Variants in INTS14 observed in about 807,000 individuals in gnomAD.
INTS14 encodes integrator complex subunit 14.
Under a neutral mutation model 56.9 loss-of-function variants are expected in INTS14, and 27 were observed. The ratio of observed to expected loss-of-function variants is 0.47; its 90% CI spans 0.35 to 0.65. INTS14 has a LOEUF of 0.65. Among genes scored for constraint, INTS14 ranks in the 30% least tolerant of loss-of-function variants. The probability of loss-of-function intolerance (pLI) is 0.00; values close to 1 mark genes in which losing one functional copy is unlikely to be tolerated. For synonymous variants in INTS14, 207 were observed against 236.2 expected, an observed-to-expected ratio of 0.88 and a Z score of 1.13; for missense variants, 517 against 632.2, an observed-to-expected ratio of 0.82 and a Z score of 1.95.
intron 3 of INTS14, among the ~76,000 whole-genome samples, chr15:65,600,444 C>T (rs934266016): frequency 6.6e-6 from 1 of 151,950 alleles, no homozygotes; most frequent in African/African-American, 2.4e-5. Flanking sequence ...GCCTAGGCAA[C>T]ATGGTGAAAC....
intron 5 of INTS14, 150 bp downstream of exon 5, chr15:65,598,722 C>A (rs2073310210): frequency 1.4e-6 from 1 of 740,500 alleles, no homozygotes; most frequent in African/African-American, 1.8e-5. Context: ...TTTAAAAAAC[C>A]ATTACTACCC....
intron 8 of INTS14, among the ~76,000 whole-genome samples, chr15:65,592,901 C>A (rs2073078771): frequency 6.6e-6 from 1 of 151,868 alleles, no homozygotes. Context: ...AAAATAAAGG[C>A]AACGTAATTA....
intron 9 of INTS14, 116 bp from the exon 10 acceptor site, chr15:65,585,004 A>G: frequency 1.2e-6 from 1 of 859,558 alleles, no homozygotes; most frequent in Non-Finnish European, 1.7e-6. Flanking sequence ...CACTTTGTTA[A>G]TTAAGAAAAT....
chr15:65,610,040 T>A (rs2073828389), intron 1 of INTS14, among the ~76,000 whole-genome samples: 1 of 150,906 alleles, frequency 6.6e-6, no homozygotes, highest in East Asian at 2.0e-4. Flanking sequence ...TGAAAGTTCC[T>A]GAAGGATAGT....
intron 1 of INTS14, chr15:65,610,856 G>T (rs976212804): frequency 2.6e-6 from 4 of 1,527,774 alleles, no homozygotes; most frequent in Non-Finnish European, 3.5e-6. Flanking sequence ...AGGGGGCAGA[G>T]GGGAGCTGAG....
chr15:65,610,975 C>T (rs747096163), intron 1 of INTS14, 123 bp downstream of exon 1: 1 of 1,488,066 alleles, frequency 6.7e-7, no homozygotes. Flanking sequence ...CAGCGCGGGG[C>T]GGCCGCCACG....
chr15:65,602,303 T>A (rs1330443381), intron 3 of INTS14, among the ~76,000 whole-genome samples: 5 of 136,326 alleles, frequency 3.7e-5, no homozygotes, highest in South Asian at 2.4e-4. Context: ...TTTTTTTTTT[T>A]AAGACAGAGT....
chr15:65,579,891 G>A (rs1048766711), intron 11 of INTS14, among the ~76,000 whole-genome samples: 3 of 152,258 alleles, frequency 2.0e-5, no homozygotes, highest in East Asian at 1.9e-4. Flanking sequence ...ATGAAACAAC[G>A]TCATCATCAC....
intron 8 of INTS14, among the ~76,000 whole-genome samples, chr15:65,592,354 C>T (rs908955535): frequency 1.3e-5 from 2 of 152,102 alleles, no homozygotes; most frequent in African/African-American, 4.8e-5. Flanking sequence ...CCAGCCAACC[C>T]CAGGTAGTGG....
rs2072750553 is a variant in INTS14 at position 65,584,651 on chromosome 15, A to G, written c.1239+119T>C. ...CAAATCCCTTTTGGAAATAATGACA[A>G]ACATTAGAAGTAAATGAATTACTAA... On this transcript the variant is annotated intron_variant, in intron 10 of 11. Coordinates refer to ENST00000313182, the MANE Select transcript of INTS14 (RefSeq NM_001394796.1). The G allele has an allele frequency of 3.8e-6, 3 of 795,486 alleles. No homozygotes were observed. The South Asian group carries it at 6.5e-5, about 17-fold the overall frequency. 49.3% of individuals were successfully genotyped at this position (795,486 alleles called of 1,614,324 possible).
intron 3 of INTS14, among the ~76,000 whole-genome samples, chr15:65,604,922 TAGG>T (rs889374638): frequency 4.6e-5 from 7 of 152,208 alleles, no homozygotes; most frequent in African/African-American, 1.7e-4. Context: ...GTCAATTTAC[TAGG>T]AGGATGCTTT....
chr15:65,579,176 C>A lies in INTS14; in HGVS notation c.*232G>T. The stretch of plus-strand genomic sequence containing the variant: ...AATGTGCCCATCATGGGAACAGCAG[C>A]TATCTTCCAAGCTTAAAAATTATGA... On this transcript the variant is annotated 3_prime_UTR_variant, in exon 12 of 12. Coordinates refer to ENST00000313182, the MANE Select transcript of INTS14 (RefSeq NM_001394796.1). The A allele has an allele frequency of 1.9e-6, 1 of 522,860 alleles. No homozygotes were observed. Among genetic ancestry groups the A allele is most frequent in the Non-Finnish European group, 3.3e-6 (1 of 300,806 alleles). The allele number at this position is 522,860 out of a possible 1,614,324, so 32.4% of individuals were successfully genotyped here. A position where few individuals can be genotyped will look rare whatever the true frequency, so the allele number is the denominator to read the frequency against.
At chr15:65,593,640 T>A (rs2073110059) in intron 7 of INTS14, 68 bp from the exon 8 acceptor site, 1 of 1,545,080 alleles carries the variant, frequency 6.5e-7, no homozygotes, top group Non-Finnish European at 8.7e-7. Flanking sequence ...CAATTTATAC[T>A]CTTGGATGTT....
chr15:65,607,301 C>A lies in INTS14; in HGVS notation c.80G>T (p.Arg27Leu), dbSNP rs746692780. 1 of 1,614,120 alleles carries A rather than the reference C, an allele frequency of 6.2e-7. No homozygotes were observed. Among genetic ancestry groups the A allele is most frequent in the South Asian group, 1.1e-5 (1 of 91,088 alleles). The change falls in exon 2 of 12, where the codon CGT becomes CTT. Residue 27 changes from arginine (R) to leucine (L), a missense_variant. By Grantham distance (102) the Arg-to-Leu change is moderately radical. Transcript: ENST00000313182. The stretch of plus-strand genomic sequence containing the variant: ...TAAACCATGGGCTGCTAGGTGCTTA[C>A]GCTGGTATTCCTCGGACCCCTCAAT... ...VSIEGSEEYQ[R>L]KHLAAHGLTM...
intron 8 of INTS14, among the ~76,000 whole-genome samples, chr15:65,593,082 C>T (rs1460928485): frequency 6.7e-6 from 1 of 149,182 alleles, no homozygotes; most frequent in South Asian, 2.1e-4. Flanking sequence ...CAGTGAGACC[C>T]CACTTCTATA....
intron 8 of INTS14, among the ~76,000 whole-genome samples, chr15:65,592,064 C>T (rs2073052020): frequency 6.6e-6 from 1 of 152,198 alleles, no homozygotes; most frequent in African/African-American, 2.4e-5. Context: ...TAGGTCCTGT[C>T]ACCTGCCTCA....
At chr15:65,609,699 C>G (rs2073801591) in intron 1 of INTS14, among the ~76,000 whole-genome samples, 1 of 152,206 alleles carries the variant, frequency 6.6e-6, no homozygotes, top group South Asian at 2.1e-4. Context: ...GGGACTCCCT[C>G]ACGTCTGCCC....
chr15:65,610,618 C>T lies in INTS14; in HGVS notation c.-63+480G>A. 4.0e-6 allele frequency: 6 copies of T among 1,485,962 alleles called. No homozygotes were observed. In the South Asian group the frequency reaches 7.2e-5, roughly 18 times the overall value. 92.0% of individuals were successfully genotyped at this position (1,485,962 alleles called of 1,614,324 possible). A position where few individuals can be genotyped will look rare whatever the true frequency, so the allele number is the denominator to read the frequency against. Reference sequence around the variant, plus strand: ...CCCTGAAGGTGATAATTAGCTCATTCATAAAGAACTGATTCTCAGCAGTCT... The same window carrying T: ...CCCTGAAGGTGATAATTAGCTCATTTATAAAGAACTGATTCTCAGCAGTCT... On this transcript the variant is annotated intron_variant, in intron 1 of 11. Transcript: ENST00000313182.
chr15:65,597,960 C>T (rs1452018540), intron 6 of INTS14, among the ~76,000 whole-genome samples: 1 of 152,092 alleles, frequency 6.6e-6, no homozygotes, highest in African/African-American at 2.4e-5. Context: ...GACAACAGCA[C>T]CCTAGTACAG....
Sources: allele counts gnomAD v4.1 joint callset (sites outside exome capture counted in the v4.1 genomes callset), GRCh38; gene constraint gnomAD v4.1.1; transcripts MANE v1.5; gene names NCBI Gene and HGNC (gene_info 2026-07-23, HGNC 2026-07-21).